DGKB: variants seen among roughly 807,000 people sequenced by gnomAD.
DGKB encodes the protein diacylglycerol kinase beta.
In DGKB, 67 loss-of-function variants were observed where a neutral mutation model predicts 114.3. The ratio of observed to expected loss-of-function variants is 0.59; its 90% CI spans 0.48 to 0.72. The LOEUF (loss-of-function observed/expected upper bound fraction) is 0.72. Ranked by LOEUF, DGKB falls within the 30% of genes least tolerant of loss-of-function variation. The pLI, the probability that DGKB is intolerant of heterozygous loss-of-function variation, is 0.00. For synonymous variants in DGKB, 398 were observed against 323.1 expected, an observed-to-expected ratio of 1.23 and a Z score of -2.49; for missense variants, 907 against 975.2, an observed-to-expected ratio of 0.93 and a Z score of 0.93.
Position 14,335,268 on chromosome 7 carries a change from TTAAAA to T in DGKB, c.2122+3242_2122+3246del, listed in dbSNP as rs541876197. The stretch of plus-strand genomic sequence containing the variant: ...CTTTGGACTATGATATTTCTTTAAA[TTAAAA>T]TAAAAGAGTAAACTTTAAATTAAAA... On this transcript the variant is annotated intron_variant, in intron 23 of 25. Coordinates refer to ENST00000402815, the MANE Select transcript of DGKB (RefSeq NM_001350709.2). Among the ~76,000 whole-genome samples, 1,136 of 152,164 alleles carry T rather than the reference TTAAAA, an allele frequency of 7.5e-3. 14 individuals are homozygous for T. The highest frequency in any genetic ancestry group is 0.026 in the African/African-American group (1,077 of 41,538).
chr7:14,426,638 A>G (rs145435034), intron 21 of DGKB, among the ~76,000 whole-genome samples: 1 of 152,180 alleles, frequency 6.6e-6, no homozygotes, highest in African/African-American at 2.4e-5. Flanking sequence ...TGCTAAAATT[A>G]TGAGTTCAGA....
At position 14,962,636 on chromosome 7, in the gene DGKB, T is replaced by TG. The variant is rs1786919990; in HGVS notation, c.-188+12059_-188+12060insC. 1.7e-4 allele frequency among the ~76,000 whole-genome samples: 24 copies of TG among 142,030 alleles called. No individual in the cohort carries two copies. In the East Asian group the frequency reaches 3.8e-3, roughly 23 times the overall value. 93.2% of individuals were successfully genotyped at this position (142,030 alleles called of 152,430 possible). ...GCTATAGCTGTGTGTGTGTGTGTGTTTGTGTGTGTGTGTGTGTGTGTGTGT... is the reference window on the plus strand; with the variant it reads ...GCTATAGCTGTGTGTGTGTGTGTGTTGTGTGTGTGTGTGTGTGTGTGTGTGT... On this transcript the variant is annotated intron_variant, in intron 1 of 4. Transcript: ENST00000437998.
chr7:14,200,244 C>A (rs558780707), intron 23 of DGKB, among the ~76,000 whole-genome samples: 44 of 152,130 alleles, frequency 2.9e-4, no homozygotes, highest in African/African-American at 9.6e-4. Flanking sequence ...CTTTTGTACT[C>A]AACCTATACT....
chr7:14,857,047 A>C (rs563647118), intron 1 of DGKB, among the ~76,000 whole-genome samples: 1 of 152,318 alleles, frequency 6.6e-6, no homozygotes, highest in African/African-American at 2.4e-5. Context: ...AGATGACATT[A>C]TATGTCCAAC....
chr7:14,467,909 G>T (rs1279180617), intron 21 of DGKB, among the ~76,000 whole-genome samples: 1 of 151,976 alleles, frequency 6.6e-6, no homozygotes, highest in Non-Finnish European at 1.5e-5. Context: ...TTTGGAAAAA[G>T]TTCAAGCCAG....
At chr7:14,340,454 T>G (rs1811430872) in intron 22 of DGKB, among the ~76,000 whole-genome samples, 1 of 151,500 alleles carries the variant, frequency 6.6e-6, no homozygotes, top group African/African-American at 2.4e-5. Flanking sequence ...TTTGCATGCA[T>G]ATTATATCTT....
chr7:14,361,548 C>A (rs1815746678), intron 21 of DGKB, among the ~76,000 whole-genome samples: 1 of 151,898 alleles, frequency 6.6e-6, no homozygotes, highest in African/African-American at 2.4e-5. Context: ...ATAAAATATT[C>A]AAGCTGACTT....
At chr7:14,894,441 T>C (rs930478296) in intron 1 of DGKB, among the ~76,000 whole-genome samples, 1 of 151,390 alleles carries the variant, frequency 6.6e-6, no homozygotes, top group African/African-American at 2.4e-5. Context: ...TTGAAACTTC[T>C]TAGTGGAGAA....
chr7:14,540,848 A>G (rs565558141), intron 20 of DGKB, among the ~76,000 whole-genome samples: 1 of 152,194 alleles, frequency 6.6e-6, no homozygotes, highest in African/African-American at 2.4e-5. Context: ...TTAGCTGAAC[A>G]TGTTCTGAGA....
chr7:14,729,668 C>T (rs548267351), intron 5 of DGKB, among the ~76,000 whole-genome samples: 6 of 152,302 alleles, frequency 3.9e-5, no homozygotes, highest in South Asian at 4.1e-4. Context: ...ACTCCTGCAA[C>T]GGTTCACCTC....
chr7:14,881,584 T>C (rs1407917860), intron 1 of DGKB, among the ~76,000 whole-genome samples: 2 of 152,210 alleles, frequency 1.3e-5, no homozygotes, highest in East Asian at 3.9e-4. Context: ...CTTTAGGAAA[T>C]AGGCAAAATG....
At chr7:14,309,126 G>C (rs183772639) in intron 23 of DGKB, among the ~76,000 whole-genome samples, 1 of 152,200 alleles carries the variant, frequency 6.6e-6, no homozygotes, top group East Asian at 2.0e-4. Context: ...TGAGGTGGGA[G>C]AATTGCTTGA....
At chr7:14,696,821 T>C (rs933493766) in intron 8 of DGKB, among the ~76,000 whole-genome samples, 2 of 152,218 alleles carry the variant, frequency 1.3e-5, no homozygotes, top group Non-Finnish European at 2.9e-5. Context: ...AGCATATGCA[T>C]TTCCCAATAG....
intron 21 of DGKB, among the ~76,000 whole-genome samples, chr7:14,363,458 C>T (rs923954845): frequency 6.6e-6 from 1 of 151,834 alleles, no homozygotes; most frequent in Admixed American, 6.6e-5. Context: ...ATTGTGATTC[C>T]TAGAGGGAAG....
intron 23 of DGKB, among the ~76,000 whole-genome samples, chr7:14,276,431 T>C (rs1206142198): frequency 2.6e-5 from 4 of 152,188 alleles, no homozygotes; most frequent in Non-Finnish European, 5.9e-5. Flanking sequence ...GATAGAATAC[T>C]GTAATGCCAT....
chr7:14,410,784 A>G (rs1824741019), intron 21 of DGKB, among the ~76,000 whole-genome samples: 1 of 94,054 alleles, frequency 1.1e-5, no homozygotes, highest in African/African-American at 3.5e-5. Flanking sequence ...TAAAAATTGT[A>G]TCAAATCAAA....
chr7:14,445,296 A>G (rs564712121), intron 21 of DGKB, among the ~76,000 whole-genome samples: 4 of 151,906 alleles, frequency 2.6e-5, no homozygotes, highest in African/African-American at 9.6e-5. Flanking sequence ...CCCACTATAT[A>G]TTTTAAATAT....
intron 2 of DGKB, among the ~76,000 whole-genome samples, chr7:14,807,086 C>T (rs571751735): frequency 6.6e-6 from 1 of 151,860 alleles, no homozygotes; most frequent in Non-Finnish European, 1.5e-5. Context: ...AAGACAAATT[C>T]CTGAGGGCAT....
At position 14,736,045 on chromosome 7, in the gene DGKB, T is replaced by G; in HGVS notation, c.318A>C (p.Ser106=). 6.3e-7 allele frequency: 1 copy of G among 1,591,682 alleles called. No homozygotes were observed. Among genetic ancestry groups the G allele is most frequent in the Non-Finnish European group, 8.6e-7 (1 of 1,168,530 alleles). ...PMVKSKPALL[S]GGLRMNKGAI... ...GTTTAAAGTAAGTAAACTTACCGCC[T>G]GATAGGAGAGCAGGCTTACTTTTTA... Residue 106 remains serine (S), a synonymous_variant, in exon 5 of 26, where the codon TCA becomes TCC. Coordinates refer to ENST00000402815, the MANE Select transcript of DGKB (RefSeq NM_001350709.2).
Sources: allele counts gnomAD v4.1 joint callset (sites outside exome capture counted in the v4.1 genomes callset), GRCh38; gene constraint gnomAD v4.1.1; transcripts MANE v1.5; gene names NCBI Gene and HGNC (gene_info 2026-07-23, HGNC 2026-07-21).